ZNF503: variants seen among roughly 807,000 people sequenced by gnomAD.
The protein encoded by ZNF503 is zinc finger protein 503.
A neutral mutation model predicts 34.4 loss-of-function variants in ZNF503; 15 were observed. That is an observed-to-expected ratio of 0.44 (90% CI 0.29 to 0.67). The LOEUF is 0.67. ZNF503 is among the 30% of genes least tolerant of loss of function. The pLI, the probability that ZNF503 is intolerant of heterozygous loss-of-function variation, is 0.13. For synonymous variants in ZNF503, 580 were observed against 456.8 expected, an observed-to-expected ratio of 1.27 and a Z score of -3.44; for missense variants, 1,007 against 926.8, an observed-to-expected ratio of 1.09 and a Z score of -1.12.
In ZNF503 at chr10:75,397,990, G is replaced by A. The variant is rs1843721681; in HGVS notation, c.*759C>T. 6.6e-6 allele frequency: 1 copy of A among 152,296 alleles called. No homozygotes were observed. The highest frequency in any genetic ancestry group is 1.9e-4 in the East Asian group (1 of 5,206). 9.4% of individuals were successfully genotyped at this position (152,296 alleles called of 1,614,324 possible). On this transcript the variant is annotated 3_prime_UTR_variant, in exon 2 of 2. Coordinates refer to ENST00000372524, the MANE Select transcript of ZNF503 (RefSeq NM_032772.6). ...GTGTTCCTTTTAAAGAACAAAATAA[G>A]GCAAATGAGGTTTTGGAATAGAATT...
chr10:75,283,826 A>G, the ZNF503 span: 2 of 152,330 alleles, frequency 1.3e-5, no homozygotes, highest in East Asian at 1.9e-4. Context: ...CTTCAGCTGT[A>G]AGCAGCCTGT....
In ZNF503 at chr10:75,398,876, T is replaced by G; in HGVS notation, c.1814A>C (p.Tyr605Ser). Residue 605 changes from tyrosine (Y) to serine (S), a missense_variant, in exon 2 of 2, where the codon TAC (tyrosine) becomes TCC (serine). Transcript: ENST00000372524. ...AGGCGTGGGAAGCGGGCTCTTGGAG[T>G]AGGGGTGGTAGCGGCTGCTGAGTCC... is the stretch of plus-strand genomic sequence containing the variant. ...ALGLSSRYHP[Y>S]SKSPLPTPGA... 6.6e-7 allele frequency: 1 copy of G among 1,522,550 alleles called. No homozygotes were observed. Among genetic ancestry groups the G allele is most frequent in the Non-Finnish European group, 8.8e-7 (1 of 1,138,556 alleles). 94.3% of individuals were successfully genotyped at this position (1,522,550 alleles called of 1,614,324 possible).
chr10:75,344,061 A>G, the ZNF503 span, among the ~76,000 whole-genome samples: 1 of 152,214 alleles, frequency 6.6e-6, no homozygotes, highest in Non-Finnish European at 1.5e-5. Flanking sequence ...TAATCAGTCT[A>G]TAGCTAATTA....
At chr10:75,311,127 G>C in the ZNF503 span, among the ~76,000 whole-genome samples, 1 of 152,148 alleles carries the variant, frequency 6.6e-6, no homozygotes, top group Non-Finnish European at 1.5e-5. Context: ...AAGGAGCAAG[G>C]AAGCCACTCC....
the ZNF503 span, among the ~76,000 whole-genome samples, chr10:75,322,133 T>TTTC: frequency 6.6e-6 from 1 of 151,354 alleles, no homozygotes; most frequent in African/African-American, 2.4e-5. Context: ...ACCAATTTTT[T>TTTC]TTTTTTTTTT....
At chr10:75,301,511 G>A in the ZNF503 span, among the ~76,000 whole-genome samples, 1 of 152,062 alleles carries the variant, frequency 6.6e-6, no homozygotes, top group Non-Finnish European at 1.5e-5. Flanking sequence ...AAAGTGCTGG[G>A]GTTACAGGCG....
chr10:75,372,315 G>A, the ZNF503 span, among the ~76,000 whole-genome samples: 1 of 152,216 alleles, frequency 6.6e-6, no homozygotes, highest in African/African-American at 2.4e-5. Flanking sequence ...GTGCCCAGAA[G>A]CACAAGTCTC....
chr10:75,370,757 C>T, the ZNF503 span, among the ~76,000 whole-genome samples: 11 of 107,390 alleles, frequency 1.0e-4, no homozygotes, highest in East Asian at 9.4e-4. Context: ...CCAGCCTGGG[C>T]GAAAAAGAGA....
chr10:75,349,711 A>T, the ZNF503 span, among the ~76,000 whole-genome samples: 1 of 152,238 alleles, frequency 6.6e-6, no homozygotes, highest in Admixed American at 6.5e-5. Context: ...GTACCACTGG[A>T]AGAAGACCTG....
chr10:75,352,426 C>T, the ZNF503 span, among the ~76,000 whole-genome samples: 8 of 143,974 alleles, frequency 5.6e-5, no homozygotes, highest in South Asian at 4.3e-4. Flanking sequence ...TGAAGCACCT[C>T]GCCTGATGAG....
At position 75,399,430 on chromosome 10, in the gene ZNF503, G is replaced by A. The variant is rs2131988604; in HGVS notation, c.1260C>T (p.Ser420=). The A allele has an allele frequency of 6.3e-7, 1 of 1,598,736 alleles. No homozygotes were observed. The highest frequency in any genetic ancestry group is 8.5e-7 in the Non-Finnish European group (1 of 1,176,856). ...CCCGGCACAAACTGGCTGTCATCAC[G>A]GACGGCGGAGACGCTCCGGCCAAAG... ...SSPLAGASPP[S]VMTASLCRDP... The change falls in exon 2 of 2, where the codon TCC becomes TCT. Residue 420 remains serine (S), a synonymous_variant. Coordinates refer to ENST00000372524, the MANE Select transcript of ZNF503 (RefSeq NM_032772.6).
At chr10:75,347,219 A>G in the ZNF503 span, among the ~76,000 whole-genome samples, 4 of 152,374 alleles carry the variant, frequency 2.6e-5, no homozygotes, top group East Asian at 7.7e-4. Flanking sequence ...TCCGGCAATT[A>G]ATTTGCAAAA....
the ZNF503 span, chr10:75,373,568 A>G: frequency 6.6e-6 from 1 of 152,086 alleles, no homozygotes; most frequent in African/African-American, 2.4e-5. Flanking sequence ...AGACCAAGGA[A>G]ACTCTGCGCA....
rs761931033 is a variant in ZNF503, at chr10:75,401,606, A to T, written c.-187T>A. ...ACGCGAGTAATCCTGGGTGGCCCGCAGCGGAGCCGTGGCCGGGCTAGAGGA... is the reference window on the plus strand; with the variant it reads ...ACGCGAGTAATCCTGGGTGGCCCGCTGCGGAGCCGTGGCCGGGCTAGAGGA... On this transcript the variant is annotated 5_prime_UTR_variant, in exon 1 of 2. Coordinates refer to ENST00000372524, the MANE Select transcript of ZNF503 (RefSeq NM_032772.6). The T allele has an allele frequency of 1.4e-6, 1 of 699,708 alleles. No individual in the cohort carries two copies. The highest frequency in any genetic ancestry group is 1.7e-5 in the South Asian group (1 of 58,384). 43.3% of individuals were successfully genotyped at this position (699,708 alleles called of 1,614,324 possible).
the ZNF503 span, among the ~76,000 whole-genome samples, chr10:75,371,854 C>A: frequency 1.5e-4 from 23 of 152,358 alleles, no homozygotes; most frequent in South Asian, 3.7e-3. Flanking sequence ...CACCTACCAT[C>A]TTACCTCTGC....
the ZNF503 span, among the ~76,000 whole-genome samples, chr10:75,325,508 T>C: frequency 6.6e-6 from 1 of 152,206 alleles, no homozygotes; most frequent in Admixed American, 6.5e-5. Context: ...CTGTCTTGAT[T>C]ACTGTAGCTT....
chr10:75,370,962 C>G, the ZNF503 span, among the ~76,000 whole-genome samples: 302 of 152,226 alleles, frequency 2.0e-3, 1 homozygote, highest in Admixed American at 5.0e-3. Context: ...GAGAGGACAG[C>G]AGAAAGAGAT....
chr10:75,283,563 C>T, the ZNF503 span, among the ~76,000 whole-genome samples: 7 of 152,048 alleles, frequency 4.6e-5, no homozygotes, highest in African/African-American at 7.2e-5. Flanking sequence ...CTGTATGTTT[C>T]GAGGGGGGAG....
At chr10:75,360,711 A>G in the ZNF503 span, 1 of 152,280 alleles carries the variant, frequency 6.6e-6, no homozygotes, top group Admixed American at 6.5e-5. Context: ...AGAAGAACCC[A>G]ACAAGTAACT....
Sources: gnomAD v4.1 joint callset for allele counts (sites outside exome capture counted in the v4.1 genomes callset) on GRCh38, gnomAD v4.1.1 for gene constraint, MANE v1.5 for transcripts, NCBI Gene and HGNC (gene_info 2026-07-23, HGNC 2026-07-21) for gene names.